CCDC90B: variants seen among roughly 807,000 people sequenced by gnomAD.
CCDC90B encodes coiled-coil domain-containing protein 90B, mitochondrial.
A neutral mutation model predicts 37.0 loss-of-function variants in CCDC90B; 24 were observed. The observed-to-expected ratio is 0.65, with a 90% confidence interval of 0.47 to 0.91. The LOEUF (loss-of-function observed/expected upper bound fraction) is 0.91, where lower values mean the gene tolerates loss of function less well. Ranked by LOEUF, CCDC90B falls within the 40% of genes least tolerant of loss-of-function variation. CCDC90B has a pLI of 0.00. For missense variants in CCDC90B, 319 were observed against 299.0 expected (o/e 1.07, Z -0.49); for synonymous variants, 113 against 101.1 (o/e 1.12, Z -0.71).
chr11:83,263,266 T>C (rs183769966), intron 8 of CCDC90B, among the ~76,000 whole-genome samples: 293 of 152,278 alleles, frequency 1.9e-3, no homozygotes, highest in African/African-American at 6.7e-3. Flanking sequence ...TGAACACTTA[T>C]TGTGAGGTGA....
At chr11:83,276,243 G>C (rs1865019089) in intron 3 of CCDC90B, among the ~76,000 whole-genome samples, 2 of 152,218 alleles carry the variant, frequency 1.3e-5, no homozygotes, top group South Asian at 4.1e-4. Flanking sequence ...CACTATAAAG[G>C]AATTATATGA....
At position 83,274,632 on chromosome 11, in the gene CCDC90B, G is replaced by T. The variant is rs771131381; in HGVS notation, c.426+7C>A. Reference sequence around the variant, plus strand: ...TTTTATAAGTAATAAATTAAAATTTGTATCACCTCATTCTCTGCTCTCAGA... The same window carrying T: ...TTTTATAAGTAATAAATTAAAATTTTTATCACCTCATTCTCTGCTCTCAGA... On this transcript the variant is annotated splice_region_variant and intron_variant, in intron 4 of 8. Coordinates refer to ENST00000529689, the MANE Select transcript of CCDC90B (RefSeq NM_021825.5). The T allele has an allele frequency of 6.5e-7, 1 of 1,546,868 alleles. No homozygotes were observed. Among genetic ancestry groups the T allele is most frequent in the East Asian group, 2.3e-5 (1 of 44,046 alleles).
In CCDC90B at chr11:83,285,930, T is replaced by C. The variant is rs992775526; in HGVS notation, c.43A>G (p.Arg15Gly). 2 of 1,613,476 alleles carry C rather than the reference T, an allele frequency of 1.2e-6. No homozygotes were observed. The highest frequency in any genetic ancestry group is 1.1e-5 in the South Asian group (1 of 90,996). ...GGCCTTGAAACCCAACGATCTCCTC[T>C]GCCTTGGGAGAGAAAGAGCCGCCAA... ...QAWRLFLSQG[R>G]GDRWVSRPRG... Residue 15 changes from arginine (R) to glycine (G), a missense_variant, in exon 1 of 9, where the codon AGA becomes GGA. Transcript: ENST00000529689.
intron 8 of CCDC90B, among the ~76,000 whole-genome samples, chr11:83,263,108 A>C (rs1055048794): frequency 5.3e-5 from 8 of 152,190 alleles, no homozygotes; most frequent in South Asian, 2.1e-4. Flanking sequence ...TTAATAAAAA[A>C]ACACACACAC....
chr11:83,268,191 A>G (rs1344098128), intron 7 of CCDC90B, among the ~76,000 whole-genome samples: 3 of 152,228 alleles, frequency 2.0e-5, no homozygotes, highest in Non-Finnish European at 4.4e-5. Context: ...AAGAAACTGC[A>G]TCAATTAATG....
chr11:83,273,870 A>G lies in CCDC90B; in HGVS notation c.469-6T>C, dbSNP rs983568218. On this transcript the variant is annotated splice_region_variant and splice_polypyrimidine_tract_variant and intron_variant, in intron 5 of 8. Transcript: ENST00000529689. ...CTGATTCGACTGGTTTCATGCTTTA[A>G]AGAAAGCAAAGATATTTAAAAAATG... 5 of 1,601,734 alleles carry G rather than the reference A, an allele frequency of 3.1e-6. No individual in the cohort carries two copies. The highest frequency in any genetic ancestry group is 1.1e-5 in the South Asian group (1 of 88,220).
chr11:83,285,421 T>A, intron 1 of CCDC90B: 1 of 1,140,314 alleles, frequency 8.8e-7, no homozygotes, highest in Non-Finnish European at 1.1e-6. Flanking sequence ...CCAGTGAGAA[T>A]AAGGCAGACG....
At chr11:83,285,811 C>T (rs1305483423) in intron 1 of CCDC90B, 62 bp downstream of exon 1, 1 of 1,542,540 alleles carries the variant, frequency 6.5e-7, no homozygotes, top group Admixed American at 2.0e-5. Flanking sequence ...GCAGGCGCGA[C>T]CCCACGGGCA....
chr11:83,261,911 CT>C lies in CCDC90B; in HGVS notation c.764del (p.Ter255CysfsTer23). The C allele has an allele frequency of 6.2e-7, 1 of 1,601,902 alleles. No homozygotes were observed. The highest frequency in any genetic ancestry group is 8.5e-7 in the Non-Finnish European group (1 of 1,173,008). ...IALGFYRFWK[*>X] Reference sequence around the variant, plus strand: ...AGCCACAGCAGGATGAGCATTAATACTACTTCCAGAATCTATAAAATCCCAA... The same window carrying C: ...AGCCACAGCAGGATGAGCATTAATACACTTCCAGAATCTATAAAATCCCAA... On this transcript the variant is annotated frameshift_variant and stop_lost, in exon 9 of 9. Coordinates refer to ENST00000529689, the MANE Select transcript of CCDC90B (RefSeq NM_021825.5). LOFTEE classifies it high-confidence loss of function.
chr11:83,271,218 G>T (rs1864639694), intron 7 of CCDC90B, among the ~76,000 whole-genome samples: 1 of 152,102 alleles, frequency 6.6e-6, no homozygotes, highest in Admixed American at 6.6e-5. Flanking sequence ...GCATGTGCAA[G>T]GACTTCATGA....
intron 7 of CCDC90B, among the ~76,000 whole-genome samples, chr11:83,271,013 A>C (rs1354228120): frequency 1.3e-5 from 2 of 152,230 alleles, no homozygotes; most frequent in Non-Finnish European, 2.9e-5. Context: ...GACAAAAACA[A>C]GAAATGGGGA....
intron 8 of CCDC90B, among the ~76,000 whole-genome samples, chr11:83,263,152 T>G (rs191542080): frequency 6.6e-6 from 1 of 152,170 alleles, no homozygotes; most frequent in Non-Finnish European, 1.5e-5. Context: ...ACTGTGACAC[T>G]TGAAAGACTC....
chr11:83,268,127 C>T (rs1406882780), intron 7 of CCDC90B, among the ~76,000 whole-genome samples: 3 of 152,182 alleles, frequency 2.0e-5, no homozygotes, highest in Admixed American at 6.5e-5. Flanking sequence ...AAAGGAACAA[C>T]CAGTACCAAC....
In CCDC90B at chr11:83,260,645, G is replaced by A. The variant is rs1863887200; in HGVS notation, c.*1266C>T. ...AAATGACAAGGCTATTTTGAATAAT[G>A]ATTGTCAAACTTTTATAGCTATTAC... On this transcript the variant is annotated 3_prime_UTR_variant, in exon 9 of 9. Coordinates refer to ENST00000529689, the MANE Select transcript of CCDC90B (RefSeq NM_021825.5). 6.6e-6 allele frequency: 1 copy of A among 152,146 alleles called. No individual in the cohort carries two copies. The highest frequency in any genetic ancestry group is 1.5e-5 in the Non-Finnish European group (1 of 68,030). The allele number at this position is 152,146 out of a possible 1,614,324, so 9.4% of individuals were successfully genotyped here. A position where few individuals can be genotyped will look rare whatever the true frequency, so the allele number is the denominator to read the frequency against.
At chr11:83,285,593 C>T in intron 1 of CCDC90B, 1 of 1,296,054 alleles carries the variant, frequency 7.7e-7, no homozygotes. Flanking sequence ...CTCTTGTCAC[C>T]AAAAAACGGA....
At chr11:83,263,729 G>C (rs1258928270) in intron 8 of CCDC90B, among the ~76,000 whole-genome samples, 5 of 152,176 alleles carry the variant, frequency 3.3e-5, no homozygotes, top group African/African-American at 1.2e-4. Flanking sequence ...AGTGAAAGTG[G>C]AATGATAAGA....
intron 5 of CCDC90B, 37 bp from the exon 6 acceptor site, chr11:83,273,901 G>A: frequency 6.3e-7 from 1 of 1,593,958 alleles, no homozygotes; most frequent in Non-Finnish European, 8.5e-7. Context: ...AAATGATCTT[G>A]TAACGAATAT....
At chr11:83,270,320 GAAAT>G (rs2135613512) in intron 7 of CCDC90B, among the ~76,000 whole-genome samples, 1 of 152,270 alleles carries the variant, frequency 6.6e-6, no homozygotes, top group South Asian at 2.1e-4. Context: ...TCAGGCAAGA[GAAAT>G]AAAGGGTATT....
In CCDC90B at chr11:83,278,719, G is replaced by T. The variant is rs1239766834; in HGVS notation, c.324+7C>A. 1.2e-5 allele frequency: 18 copies of T among 1,546,098 alleles called. No homozygotes were observed. Among genetic ancestry groups the T allele is most frequent in the Non-Finnish European group, 1.5e-5 (17 of 1,119,908 alleles). On this transcript the variant is annotated splice_region_variant and intron_variant, in intron 3 of 8. Coordinates refer to ENST00000529689, the MANE Select transcript of CCDC90B (RefSeq NM_021825.5). ...AGTATCAGAAGTGATAGTAATCAGT[G>T]TATTACCTGTTGAGCTTGAGTGACC...
Sources: gnomAD v4.1 joint callset for allele counts (sites outside exome capture counted in the v4.1 genomes callset) on GRCh38, gnomAD v4.1.1 for gene constraint, MANE v1.5 for transcripts, NCBI Gene and HGNC (gene_info 2026-07-23, HGNC 2026-07-21) for gene names.